Variants in ARB2A observed in about 807,000 individuals in gnomAD.
ARB2A encodes cotranscriptional regulator ARB2A.
the ARB2A span, among the ~76,000 whole-genome samples, chr5:93,940,939 G>C: frequency 3.3e-5 from 5 of 151,976 alleles, no homozygotes; most frequent in Non-Finnish European, 7.4e-5. Flanking sequence ...AAATAAAAGA[G>C]TTTTTAAAAT....
the ARB2A span, chr5:93,866,195 A>G: frequency 2.0e-6 from 2 of 985,278 alleles, no homozygotes; most frequent in African/African-American, 3.5e-5. Flanking sequence ...CTGTACAAGA[A>G]TTTCTGAGGG....
At chr5:93,644,219 T>C in the ARB2A span, among the ~76,000 whole-genome samples, 1 of 152,226 alleles carries the variant, frequency 6.6e-6, no homozygotes, top group African/African-American at 2.4e-5. Context: ...TACTAGAATA[T>C]AAGCCAGTTG....
At chr5:94,058,983 A>T in the ARB2A span, among the ~76,000 whole-genome samples, 2 of 152,012 alleles carry the variant, frequency 1.3e-5, no homozygotes, top group Non-Finnish European at 2.9e-5. Flanking sequence ...CATGTAACAT[A>T]CTGGTACCCC....
the ARB2A span, among the ~76,000 whole-genome samples, chr5:94,105,124 G>A: frequency 4.6e-5 from 7 of 151,962 alleles, no homozygotes; most frequent in African/African-American, 1.4e-4. Context: ...ATTCAACATA[G>A]TACTGGAAAT....
the ARB2A span, among the ~76,000 whole-genome samples, chr5:93,641,124 C>G: frequency 1.3e-5 from 2 of 151,020 alleles, no homozygotes; most frequent in Admixed American, 6.6e-5. Context: ...CACTTGAACC[C>G]GGGAGGTGGA....
the ARB2A span, among the ~76,000 whole-genome samples, chr5:93,696,059 A>T: frequency 1.2e-3 from 188 of 152,186 alleles, 1 homozygote; most frequent in Middle Eastern, 0.014. Context: ...AGGGGAGGGA[A>T]AGCATTAGGA....
chr5:93,837,731 T>C, the ARB2A span, among the ~76,000 whole-genome samples: 1 of 152,036 alleles, frequency 6.6e-6, no homozygotes, highest in African/African-American at 2.4e-5. Context: ...CATCTCAGAG[T>C]GGTTTTGACT....
the ARB2A span, among the ~76,000 whole-genome samples, chr5:93,994,521 A>G: frequency 6.6e-6 from 1 of 152,196 alleles, no homozygotes; most frequent in East Asian, 1.9e-4. Context: ...GAAAGAAGAA[A>G]TGGAAAGCTG....
At chr5:93,784,304 G>A in the ARB2A span, 4 of 820,218 alleles carry the variant, frequency 4.9e-6, no homozygotes, top group Non-Finnish European at 6.1e-6. Flanking sequence ...GAGGATGGGA[G>A]GTGTTACAGG....
the ARB2A span, among the ~76,000 whole-genome samples, chr5:93,637,713 A>T: frequency 6.6e-6 from 1 of 152,110 alleles, no homozygotes. Flanking sequence ...AGTATTCTAG[A>T]TCCTTTGCCT....
the ARB2A span, among the ~76,000 whole-genome samples, chr5:93,761,747 C>G: frequency 3.3e-5 from 5 of 152,330 alleles, no homozygotes; most frequent in South Asian, 2.1e-4. Context: ...TGAGAACAGA[C>G]AGACTGCCTC....
the ARB2A span, among the ~76,000 whole-genome samples, chr5:94,067,050 A>G: frequency 1.3e-5 from 2 of 152,264 alleles, no homozygotes; most frequent in Non-Finnish European, 1.5e-5. Context: ...CAAATCAATT[A>G]GTGTGATACA....
the ARB2A span, among the ~76,000 whole-genome samples, chr5:93,891,450 G>A: frequency 6.6e-6 from 1 of 151,578 alleles, no homozygotes; most frequent in Non-Finnish European, 1.5e-5. Context: ...CATCTTCCAG[G>A]CTCCAAAATT....
At chr5:93,988,191 T>A in the ARB2A span, among the ~76,000 whole-genome samples, 1 of 152,220 alleles carries the variant, frequency 6.6e-6, no homozygotes. Context: ...CAAATCTTAC[T>A]GTATCTAACA....
At chr5:93,693,944 CAT>C in the ARB2A span, among the ~76,000 whole-genome samples, 5 of 152,232 alleles carry the variant, frequency 3.3e-5, no homozygotes, top group East Asian at 1.9e-4. Flanking sequence ...AAAAAAACCA[CAT>C]GATTATCTCA....
the ARB2A span, among the ~76,000 whole-genome samples, chr5:94,023,815 C>T: frequency 6.6e-6 from 1 of 152,170 alleles, no homozygotes; most frequent in Non-Finnish European, 1.5e-5. Context: ...CTGTAAGCCT[C>T]AATGACTAAA....
the ARB2A span, among the ~76,000 whole-genome samples, chr5:94,060,267 G>A: frequency 3.4e-3 from 520 of 152,146 alleles, 6 homozygotes; most frequent in African/African-American, 0.011. Flanking sequence ...CAGGAGAATC[G>A]CTTGAACCTG....
At chr5:93,890,245 T>A in the ARB2A span, among the ~76,000 whole-genome samples, 1 of 151,882 alleles carries the variant, frequency 6.6e-6, no homozygotes, top group Admixed American at 6.6e-5. Flanking sequence ...AATTATTAAA[T>A]CTGTGCTATT....
chr5:93,764,048 A>G, the ARB2A span, among the ~76,000 whole-genome samples: 1 of 152,254 alleles, frequency 6.6e-6, no homozygotes, highest in Non-Finnish European at 1.5e-5. Context: ...CATTCAAAGC[A>G]GTGTGTAGAG....
Sources: gnomAD v4.1 joint callset for allele counts (sites outside exome capture counted in the v4.1 genomes callset) on GRCh38, gnomAD v4.1.1 for gene constraint, MANE v1.5 for transcripts, NCBI Gene and HGNC (gene_info 2026-07-23, HGNC 2026-07-21) for gene names.